Variants in SPX observed in about 807,000 individuals in gnomAD.
The protein encoded by SPX is spexin.
Under a neutral mutation model 19.2 loss-of-function variants are expected in SPX, and 22 were observed. The observed-to-expected ratio is 1.15, with a 90% CI of 0.82 to 1.64. The LOEUF (loss-of-function observed/expected upper bound fraction) is 1.64. SPX is among the 40% of genes most tolerant of loss of function. SPX has a pLI of 0.00. For missense variants in SPX, 143 were observed against 137.7 expected, an observed-to-expected ratio of 1.04 and a Z score of -0.19; for synonymous variants, 50 against 53.3, an observed-to-expected ratio of 0.94 and a Z score of 0.27.
Position 21,526,348 on chromosome 12 carries a change from A to T in SPX, c.-125A>T, listed in dbSNP as rs1943813905. ...TGACAAGATGTCCCTGTGGACTCCC[A>T]AACTCTACTCCAGATGGGGAGGTGC... On this transcript the variant is annotated 5_prime_UTR_variant, in exon 1 of 6. An upstream open reading frame in the 5' UTR gains an earlier in-frame stop. Coordinates refer to ENST00000256969, the MANE Select transcript of SPX (RefSeq NM_030572.4). 1.2e-6 allele frequency: 1 copy of T among 834,676 alleles called. No homozygotes were observed. The highest frequency in any genetic ancestry group is 2.6e-5 in the East Asian group (1 of 37,926). 51.7% of individuals were successfully genotyped at this position (834,676 alleles called of 1,614,324 possible). A position where few individuals can be genotyped will look rare whatever the true frequency, so the allele number is the denominator to read the frequency against.
rs547284949 is a variant in SPX, at chr12:21,526,571, G to T, written c.6+93G>T. 1.5e-5 allele frequency: 19 copies of T among 1,247,676 alleles called. No homozygotes were observed. In the African/African-American group the frequency reaches 2.3e-4, roughly 15 times the overall value. 77.3% of individuals were successfully genotyped at this position (1,247,676 alleles called of 1,614,324 possible). A position where few individuals can be genotyped will look rare whatever the true frequency, so the allele number is the denominator to read the frequency against. On this transcript the variant is annotated intron_variant, in intron 1 of 5. Coordinates refer to ENST00000256969, the MANE Select transcript of SPX (RefSeq NM_030572.4). ...TATTTCATGTTTAATAAGGATTTTA[G>T]AGTTTAAAGGATATTTGAACGATAC...
Position 21,532,748 on chromosome 12 carries a change from T to G in SPX, c.*1553T>G, listed in dbSNP as rs1007303897. 6.6e-6 allele frequency: 1 copy of G among 152,232 alleles called. No homozygotes were observed. Among genetic ancestry groups the G allele is most frequent in the African/African-American group, 2.4e-5 (1 of 41,466 alleles). 9.4% of individuals were successfully genotyped at this position (152,232 alleles called of 1,614,324 possible). A position where few individuals can be genotyped will look rare whatever the true frequency, so the allele number is the denominator to read the frequency against. ...AATAGTATGTGTATTCAAAGAACAC[T>G]TTTAACATCTATCTTATGAAATAAT... On this transcript the variant is annotated 3_prime_UTR_variant, in exon 6 of 6. Transcript: ENST00000256969.
At chr12:21,530,981 A>G (rs1198015698) in intron 5 of SPX, among the ~76,000 whole-genome samples, 156 bp from the exon 6 acceptor site, 1 of 152,236 alleles carries the variant, frequency 6.6e-6, no homozygotes, top group East Asian at 1.9e-4. Context: ...TGAGCAAATC[A>G]AAGCCCATAT....
At chr12:21,528,475 T>C (rs1249831425) in intron 4 of SPX, among the ~76,000 whole-genome samples, 1 of 152,212 alleles carries the variant, frequency 6.6e-6, no homozygotes. Flanking sequence ...TATACTTACT[T>C]GGAAAAATAC....
chr12:21,531,683 C>T lies in SPX; in HGVS notation c.*488C>T, dbSNP rs185025278. 6.6e-6 allele frequency: 1 copy of T among 152,442 alleles called. No homozygotes were observed. Among genetic ancestry groups the T allele is most frequent in the East Asian group, 1.9e-4 (1 of 5,186 alleles). The allele number at this position is 152,442 out of a possible 1,614,324, so 9.4% of individuals were successfully genotyped here. The stretch of plus-strand genomic sequence containing the variant: ...AGAGTATGACTCTCTATAGCTCATC[C>T]AGGAGTAATCAATTAAGAAGATAAA... On this transcript the variant is annotated 3_prime_UTR_variant, in exon 6 of 6. Transcript: ENST00000256969.
At chr12:21,526,570 A>G in intron 1 of SPX, 92 bp downstream of exon 1, 1 of 1,270,958 alleles carries the variant, frequency 7.9e-7, no homozygotes, top group East Asian at 2.4e-5. Flanking sequence ...TAAGGATTTT[A>G]GAGTTTAAAG....
At chr12:21,527,078 A>C in intron 2 of SPX, 57 bp from the exon 3 acceptor site, 1 of 1,594,348 alleles carries the variant, frequency 6.3e-7, no homozygotes, top group Admixed American at 1.7e-5. Flanking sequence ...TTTTGCTGTA[A>C]TAGAGGACTG....
chr12:21,526,883 T>A lies in SPX; in HGVS notation c.7-3T>A, dbSNP rs112067025. On this transcript the variant is annotated splice_region_variant and splice_polypyrimidine_tract_variant and intron_variant, in intron 1 of 5. Coordinates refer to ENST00000256969, the MANE Select transcript of SPX (RefSeq NM_030572.4). ...ACCCTTTCTGGTTGATCGCTTCATATAGGGACTCAGAAGTCTGGCAGCAAC... is the reference window on the plus strand; with the variant it reads ...ACCCTTTCTGGTTGATCGCTTCATAAAGGGACTCAGAAGTCTGGCAGCAAC... 6.2e-7 allele frequency: 1 copy of A among 1,613,974 alleles called. No homozygotes were observed. Among genetic ancestry groups the A allele is most frequent in the Non-Finnish European group, 8.5e-7 (1 of 1,179,848 alleles).
At chr12:21,528,881 G>T (rs1221060187) in intron 4 of SPX, 120 bp from the exon 5 acceptor site, 1 of 861,852 alleles carries the variant, frequency 1.2e-6, no homozygotes, top group African/African-American at 1.7e-5. Context: ...GTAGTCCTTT[G>T]TTGAGGGGTC....
chr12:21,531,263 C>A lies in SPX; in HGVS notation c.*68C>A. On this transcript the variant is annotated 3_prime_UTR_variant, in exon 6 of 6. Coordinates refer to ENST00000256969, the MANE Select transcript of SPX (RefSeq NM_030572.4). ...AAAACATGAACCATGTGAATAAAAC[C>A]TTTGGACCCTTTTATTCCATTTGTA... 8.7e-7 allele frequency: 1 copy of A among 1,147,844 alleles called. No individual in the cohort carries two copies. The highest frequency in any genetic ancestry group is 1.2e-6 in the Non-Finnish European group (1 of 806,564). 71.1% of individuals were successfully genotyped at this position (1,147,844 alleles called of 1,614,324 possible).
intron 4 of SPX, chr12:21,528,016 A>G (rs960594007): frequency 5.6e-6 from 3 of 537,696 alleles, no homozygotes; most frequent in Non-Finnish European, 6.6e-6. Context: ...CCCCGCGCCA[A>G]TGGTGGCAAG....
chr12:21,527,259 T>G, intron 3 of SPX, 67 bp downstream of exon 3: 3 of 1,399,968 alleles, frequency 2.1e-6, no homozygotes, highest in Non-Finnish European at 3.0e-6. Context: ...AACAGATAGA[T>G]GGAGAGTTAT....
intron 4 of SPX, 112 bp downstream of exon 4, chr12:21,527,901 CG>C (rs1332933705): frequency 7.7e-7 from 1 of 1,306,294 alleles, no homozygotes; most frequent in African/African-American, 1.5e-5. Flanking sequence ...ACCGGAAAGA[CG>C]CGGCTCTGAG....
intron 5 of SPX, 140 bp from the exon 6 acceptor site, chr12:21,530,997 A>C (rs1943860039): frequency 1.7e-6 from 1 of 600,820 alleles, no homozygotes; most frequent in Admixed American, 3.3e-5. Context: ...CATATTGTTT[A>C]AATTTTCAGT....
At chr12:21,530,794 A>C (rs1943857668) in intron 5 of SPX, among the ~76,000 whole-genome samples, 1 of 152,196 alleles carries the variant, frequency 6.6e-6, no homozygotes, top group South Asian at 2.1e-4. Context: ...CCTTTGATGC[A>C]AGTGAATTAT....
In SPX at chr12:21,528,984, C is replaced by T. The variant is rs745839402; in HGVS notation, c.209-17C>T. Reference sequence around the variant, plus strand: ...TATAAATGCTAAGAGAATCTGTATACATTTTTGTTTCTGCAGAAAGACGAA... The same window carrying T: ...TATAAATGCTAAGAGAATCTGTATATATTTTTGTTTCTGCAGAAAGACGAA... On this transcript the variant is annotated splice_polypyrimidine_tract_variant and intron_variant, in intron 4 of 5. Transcript: ENST00000256969. 12 of 1,599,410 alleles carry T rather than the reference C, an allele frequency of 7.5e-6. No individual in the cohort carries two copies. Among genetic ancestry groups the T allele is most frequent in the Admixed American group, 6.7e-5 (4 of 59,972 alleles).
chr12:21,526,387 AT>A lies in SPX; in HGVS notation c.-82del. The A allele has an allele frequency of 7.0e-7, 1 of 1,420,290 alleles. No individual in the cohort carries two copies. Among genetic ancestry groups the A allele is most frequent in the South Asian group, 1.4e-5 (1 of 70,632 alleles). The allele number at this position is 1,420,290 out of a possible 1,614,324, so 88.0% of individuals were successfully genotyped here. On this transcript the variant is annotated 5_prime_UTR_variant, in exon 1 of 6. An upstream open reading frame in the 5' UTR gains an earlier in-frame stop. Transcript: ENST00000256969. ...ATGGGGAGGTGCCCTTAACACCAAG[AT>A]TTTAAAAGCTCCAATTTCAGAGCAA...
At position 21,531,251 on chromosome 12, in the gene SPX, T is replaced by G; in HGVS notation, c.*56T>G. ...CTATTCTCTTTGAAAACATGAACCA[T>G]GTGAATAAAACCTTTGGACCCTTTT... is the stretch of plus-strand genomic sequence containing the variant. On this transcript the variant is annotated 3_prime_UTR_variant, in exon 6 of 6. Coordinates refer to ENST00000256969, the MANE Select transcript of SPX (RefSeq NM_030572.4). 7.6e-7 allele frequency: 1 copy of G among 1,315,756 alleles called. No individual in the cohort carries two copies. Among genetic ancestry groups the G allele is most frequent in the Non-Finnish European group, 1.1e-6 (1 of 946,438 alleles). 81.5% of individuals were successfully genotyped at this position (1,315,756 alleles called of 1,614,324 possible).
At position 21,531,526 on chromosome 12, in the gene SPX, G is replaced by GTT. The variant is rs56157528; in HGVS notation, c.*339_*340dup. On this transcript the variant is annotated 3_prime_UTR_variant, in exon 6 of 6. Coordinates refer to ENST00000256969, the MANE Select transcript of SPX (RefSeq NM_030572.4). Reference sequence around the variant, plus strand: ...CAGTACCTGTCTTGATCTTAGTTGTGTTTTTTTTTCATTTTGTTACCCACT... The same window carrying GTT: ...CAGTACCTGTCTTGATCTTAGTTGTGTTTTTTTTTTTCATTTTGTTACCCACT... The GTT allele has an allele frequency of 0.72, 114,563 of 158,028 alleles. 41,562 individuals carry two copies. The highest frequency in any genetic ancestry group is 0.78 in the South Asian group (3,787 of 4,832). The allele number at this position is 158,028 out of a possible 1,614,324, so 9.8% of individuals were successfully genotyped here. A position where few individuals can be genotyped will look rare whatever the true frequency, so the allele number is the denominator to read the frequency against.
Sources: allele counts gnomAD v4.1 joint callset (sites outside exome capture counted in the v4.1 genomes callset), GRCh38; gene constraint gnomAD v4.1.1; transcripts MANE v1.5; gene names NCBI Gene and HGNC (gene_info 2026-07-23, HGNC 2026-07-21).